The following RRBP1 variants were observed in gnomAD, a reference collection of about 807,000 sequenced individuals.
RRBP1 encodes the protein ribosome binding protein 1, also known as ribosome-binding protein 1.
RRBP1 carries 94 observed loss-of-function variants against 165.2 expected under a neutral mutation model. That is an observed-to-expected ratio of 0.57 (90% CI 0.48 to 0.68). The LOEUF is 0.68. Ranked by LOEUF, RRBP1 falls within the 30% of genes least tolerant of loss-of-function variation. The pLI is 0.00. For synonymous variants in RRBP1, 680 were observed against 714.5 expected, an observed-to-expected ratio of 0.95 and a Z score of 0.77; for missense variants, 1,676 against 1,763.0, an observed-to-expected ratio of 0.95 and a Z score of 0.88.
intron 2 of RRBP1, among the ~76,000 whole-genome samples, chr20:17,677,486 C>T (rs553460185): frequency 1.5e-3 from 221 of 152,220 alleles, no homozygotes; most frequent in African/African-American, 5.2e-3. Flanking sequence ...CTAAGATGAG[C>T]CCACAAGTAC....
intron 3 of RRBP1, among the ~76,000 whole-genome samples, chr20:17,652,108 A>C (rs924509024): frequency 1.3e-5 from 2 of 152,226 alleles, no homozygotes; most frequent in African/African-American, 2.4e-5. Context: ...GGCCAGCCAC[A>C]GCCTCTGTGC....
In RRBP1 at chr20:17,614,736, C is replaced by T. The variant is rs776181511; in HGVS notation, c.4194+1G>A. On this transcript the variant is annotated splice_donor_variant, in intron 24 of 24. Transcript: ENST00000377813. LOFTEE classifies it high-confidence loss of function. ...GCCCTGCTTTGGCGCCAGGCACGCA[C>T]TGCCTTTTCCAGCTGTTCCTGCAGC... The T allele has an allele frequency of 1.2e-6, 2 of 1,611,742 alleles. No homozygotes were observed. Among genetic ancestry groups the T allele is most frequent in the South Asian group, 1.1e-5 (1 of 91,086 alleles).
intron 19 of RRBP1, 164 bp from the exon 20 acceptor site, chr20:17,618,843 C>T (rs146930946): frequency 6.3e-4 from 391 of 617,490 alleles, no homozygotes; most frequent in African/African-American, 3.5e-3. Flanking sequence ...AGGCTTCCTA[C>T]AGCTACGATT....
chr20:17,618,751 G>T (rs2122245970), intron 19 of RRBP1, 72 bp from the exon 20 acceptor site: 1 of 1,202,564 alleles, frequency 8.3e-7, no homozygotes, highest in East Asian at 2.3e-5. Context: ...CCGTGAGTTA[G>T]CGCCGAAACA....
chr20:17,639,314 T>G (rs2036304058), intron 5 of RRBP1, among the ~76,000 whole-genome samples: 2 of 152,252 alleles, frequency 1.3e-5, no homozygotes, highest in South Asian at 4.1e-4. Flanking sequence ...TTGGGAGACC[T>G]GGATACAGCA....
At chr20:17,661,841 C>T (rs991099530) in intron 2 of RRBP1, among the ~76,000 whole-genome samples, 1 of 152,188 alleles carries the variant, frequency 6.6e-6, no homozygotes, top group Non-Finnish European at 1.5e-5. Flanking sequence ...GAGATCCCCA[C>T]TCCTCTTGAG....
At chr20:17,654,574 C>A (rs765017304) in intron 3 of RRBP1, among the ~76,000 whole-genome samples, 44 of 152,330 alleles carry the variant, frequency 2.9e-4, no homozygotes, top group Non-Finnish European at 5.3e-4. Context: ...TTCATAAATG[C>A]CTCCTTTCAT....
rs2035815824 is a variant in RRBP1 at position 17,617,082 on chromosome 20, G to A, written c.3760-243C>T. On this transcript the variant is annotated intron_variant, in intron 20 of 24. Coordinates refer to ENST00000377813, the MANE Select transcript of RRBP1 (RefSeq NM_001365613.2). ...TGCTCTGCTCCAAGCCCAACCGGAG[G>A]GGAGCCCTCCCTGGGAGTGAGGTGA... 2.0e-5 allele frequency among the ~76,000 whole-genome samples: 3 copies of A among 152,348 alleles called. No homozygotes were observed. The South Asian group carries it at 6.2e-4, about 32-fold the overall frequency.
chr20:17,648,227 C>T (rs900360182), intron 3 of RRBP1, among the ~76,000 whole-genome samples: 4 of 152,240 alleles, frequency 2.6e-5, no homozygotes, highest in Non-Finnish European at 5.9e-5. Context: ...TCTAACTGCT[C>T]GTTCTTGGAC....
intron 1 of RRBP1, among the ~76,000 whole-genome samples, chr20:17,680,303 G>C (rs2037156824): frequency 6.6e-6 from 1 of 152,208 alleles, no homozygotes; most frequent in African/African-American, 2.4e-5. Context: ...TGTTCTTCCT[G>C]GGAGTGCCAG....
rs1442370157 is a variant in RRBP1, at chr20:17,630,104, C to T, written c.2611-143G>A. 7.0e-5 allele frequency: 62 copies of T among 887,176 alleles called. No individual in the cohort carries two copies. The East Asian group carries it at 8.2e-4, about 12-fold the overall frequency. 55.0% of individuals were successfully genotyped at this position (887,176 alleles called of 1,614,324 possible). On this transcript the variant is annotated intron_variant, in intron 8 of 24. Coordinates refer to ENST00000377813, the MANE Select transcript of RRBP1 (RefSeq NM_001365613.2). Reference sequence around the variant, plus strand: ...CCATGTGGGAAGGAAATGCATCCCTCGAGGCTCTAGAACCCGCACAGGCTT... The same window carrying T: ...CCATGTGGGAAGGAAATGCATCCCTTGAGGCTCTAGAACCCGCACAGGCTT...
intron 2 of RRBP1, among the ~76,000 whole-genome samples, chr20:17,666,897 A>C (rs2036883544): frequency 6.6e-6 from 1 of 151,442 alleles, no homozygotes; most frequent in African/African-American, 2.4e-5. Flanking sequence ...CTTTAATCTG[A>C]AGTATGTGGA....
intron 13 of RRBP1, among the ~76,000 whole-genome samples, chr20:17,624,308 C>G (rs142223590): frequency 1.0e-3 from 155 of 152,318 alleles, no homozygotes; most frequent in African/African-American, 3.5e-3. Context: ...CCTAGTGCAC[C>G]TGTGCGTCTG....
In RRBP1 at chr20:17,649,122, T is replaced by C. The variant is rs529779715; in HGVS notation, c.1913-5995A>G. Among the ~76,000 whole-genome samples the C allele has an allele frequency of 3.3e-5, 5 of 152,344 alleles. No individual in the cohort carries two copies. The South Asian group carries it at 1.0e-3, about 32-fold the overall frequency. On this transcript the variant is annotated intron_variant, in intron 3 of 24. Coordinates refer to ENST00000377813, the MANE Select transcript of RRBP1 (RefSeq NM_001365613.2). ...AAAAAAGAAGAAGAAAAGAAAAAGT[T>C]GGGTTTGAAGAACTTCCACAGAAAG...
intron 2 of RRBP1, among the ~76,000 whole-genome samples, chr20:17,679,339 T>C (rs2037137840): frequency 6.6e-6 from 1 of 152,260 alleles, no homozygotes; most frequent in African/African-American, 2.4e-5. Context: ...ATATTTATGA[T>C]GTTATAGGCC....
intron 3 of RRBP1, among the ~76,000 whole-genome samples, chr20:17,656,082 T>A (rs989866619): frequency 1.1e-4 from 17 of 152,136 alleles, no homozygotes; most frequent in African/African-American, 4.1e-4. Flanking sequence ...GTGGCCCAAA[T>A]CCACCGCAGA....
In RRBP1 at chr20:17,615,496, A is replaced by T; in HGVS notation, c.3985T>A (p.Leu1329Met). 6.2e-7 allele frequency: 1 copy of T among 1,607,054 alleles called. No individual in the cohort carries two copies. Among genetic ancestry groups the T allele is most frequent in the Non-Finnish European group, 8.5e-7 (1 of 1,177,652 alleles). ...GGGCCGGCTGTGCGGAGCTTCTCCAATTCTTCTTGTAACCGACATGCCGAG... is the reference window on the plus strand; with the variant it reads ...GGGCCGGCTGTGCGGAGCTTCTCCATTTCTTCTTGTAACCGACATGCCGAG... ...QTSACRLQEE[L>M]EKLRTAGPLE... The change falls in exon 23 of 25, where the codon TTG (leucine) becomes ATG (methionine). Residue 1329 changes from leucine to methionine, a missense_variant. Physicochemically the swap from Leu to Met is conservative, Grantham distance 15 (BLOSUM62 2). Around this residue, in one of 5 missense-constraint regions of RRBP1, gnomAD observed 1,184 missense variants for 1,167.1 expected, o/e 1.01. Transcript: ENST00000377813.
In RRBP1 at chr20:17,613,912, CA is replaced by C. The variant is rs1448397852; in HGVS notation, c.*269del. 2.8e-5 allele frequency: 12 copies of C among 431,230 alleles called. No individual in the cohort carries two copies. The highest frequency in any genetic ancestry group is 2.5e-5 in the Non-Finnish European group (6 of 237,294). The allele number at this position is 431,230 out of a possible 1,614,324, so 26.7% of individuals were successfully genotyped here. Reference sequence around the variant, plus strand: ...GCCTCCCACACACCCACGGGGCTGTCAGAGTCAACCAGGGCTTTGGCGTCAC... The same window carrying C: ...GCCTCCCACACACCCACGGGGCTGTCGAGTCAACCAGGGCTTTGGCGTCAC... On this transcript the variant is annotated 3_prime_UTR_variant, in exon 25 of 25. Coordinates refer to ENST00000377813, the MANE Select transcript of RRBP1 (RefSeq NM_001365613.2).
At chr20:17,619,847 C>G in intron 18 of RRBP1, 119 bp from the exon 19 acceptor site, 1 of 623,566 alleles carries the variant, frequency 1.6e-6, no homozygotes, top group East Asian at 3.0e-5. Flanking sequence ...TCCCTGAGGC[C>G]CACCAGCTAC....
Sources: gnomAD v4.1 joint callset for allele counts (sites outside exome capture counted in the v4.1 genomes callset) on GRCh38, gnomAD v4.1.1 for gene constraint, gnomAD v4.1.1 regional missense constraint, MANE v1.5 for transcripts, NCBI Gene and HGNC (gene_info 2026-07-23, HGNC 2026-07-21) for gene names.